The following ARGLU1 variants were observed in gnomAD, a reference collection of about 807,000 sequenced individuals.
ARGLU1 encodes arginine and glutamate rich 1, also known as arginine and glutamate-rich protein 1.
A neutral mutation model predicts 37.6 loss-of-function variants in ARGLU1; 9 were observed. The ratio of observed to expected loss-of-function variants is 0.24; its 90% confidence interval spans 0.14 to 0.42. The LOEUF (loss-of-function observed/expected upper bound fraction) is 0.42. ARGLU1 is among the 10% of genes least tolerant of loss of function. The pLI, the probability that ARGLU1 is intolerant of heterozygous loss-of-function variation, is 1.00. For missense variants in ARGLU1, 211 were observed against 359.2 expected (o/e 0.59, Z 3.34); for synonymous variants, 166 against 138.5 (o/e 1.20, Z -1.39).
chr13:106,549,537 T>C lies in ARGLU1; in HGVS notation c.658-5377A>G, dbSNP rs111721923. On this transcript the variant is annotated intron_variant, in intron 3 of 3. Transcript: ENST00000400198. Reference sequence around the variant, plus strand: ...TTTTTCTGAGGTATTCCATGTACAATGTTAAATAACAGAAGGGTAAAACGC... The same window carrying C: ...TTTTTCTGAGGTATTCCATGTACAACGTTAAATAACAGAAGGGTAAAACGC... 9.5e-4 allele frequency among the ~76,000 whole-genome samples: 145 copies of C among 152,332 alleles called. No individual in the cohort carries two copies. In the Middle Eastern group the frequency reaches 0.014, roughly 14 times the overall value.
In ARGLU1 at chr13:106,565,731, G is replaced by A. The variant is rs113305419; in HGVS notation, c.347+1842C>T. On this transcript the variant is annotated intron_variant, in intron 1 of 3. Coordinates refer to ENST00000400198, the MANE Select transcript of ARGLU1 (RefSeq NM_018011.4). ...ATATTAAATAAAATGCCTATTGTAC[G>A]GCACCCAGGAATTTAGAGTACAGGT... Among the ~76,000 whole-genome samples the A allele has an allele frequency of 2.2e-3, 338 of 152,124 alleles. 1 individual carries two copies. The highest frequency in any genetic ancestry group is 0.014 in the Middle Eastern group (4 of 294).
Position 106,544,106 on chromosome 13 carries a change from T to C in ARGLU1, c.712A>G (p.Met238Val). Reference protein sequence around the residue: ...EEQRKIHEERMKLEQERQRQQ... With the variant: ...EEQRKIHEERVKLEQERQRQQ... ...CGTTGTCGTTCTTGTTCTAGTTTCA[T>C]CCTTTCCTCATGAATCTTTCTTTGT... The change falls in exon 4 of 4, where the codon ATG becomes GTG. Residue 238 changes from methionine (M) to valine (V), a missense_variant. By Grantham distance (21) the Met-to-Val change is conservative (BLOSUM62 1). Around this residue, in one of 3 missense-constraint regions of ARGLU1, gnomAD observed 80 missense variants for 158.4 expected, o/e 0.51. Transcript: ENST00000400198. The C allele has an allele frequency of 8.1e-6, 13 of 1,605,086 alleles. No individual in the cohort carries two copies. The highest frequency in any genetic ancestry group is 1.0e-5 in the Non-Finnish European group (12 of 1,177,462).
intron 1 of ARGLU1, among the ~76,000 whole-genome samples, chr13:106,563,221 A>G (rs189046270): frequency 1.3e-5 from 2 of 152,318 alleles, no homozygotes; most frequent in East Asian, 3.9e-4. Context: ...TTAATAGGTA[A>G]CATATAATAT....
chr13:106,567,559 G>T lies in ARGLU1; in HGVS notation c.347+14C>A. ...TCTCCGCACGCCCCGGTCCCTCCCC[G>T]CGCGGGCACTCACATTTTTCGCTGC... On this transcript the variant is annotated intron_variant, in intron 1 of 3. Coordinates refer to ENST00000400198, the MANE Select transcript of ARGLU1 (RefSeq NM_018011.4). The surrounding 1 kb of genome is among the most constrained non-coding windows in gnomAD (Gnocchi z 4.3). 1 of 1,570,106 alleles carries T rather than the reference G, an allele frequency of 6.4e-7. No homozygotes were observed. Among genetic ancestry groups the T allele is most frequent in the Non-Finnish European group, 8.8e-7 (1 of 1,141,038 alleles).
At chr13:106,563,408 A>G (rs1216984195) in intron 1 of ARGLU1, among the ~76,000 whole-genome samples, 1 of 152,178 alleles carries the variant, frequency 6.6e-6, no homozygotes, top group East Asian at 1.9e-4. Flanking sequence ...GCCAAAGCTA[A>G]CGATCTCAAG....
At position 106,559,044 on chromosome 13, in the gene ARGLU1, G is replaced by A. The variant is rs1391832507; in HGVS notation, c.573+388C>T. 5.8e-6 allele frequency: 7 copies of A among 1,201,336 alleles called. No homozygotes were observed. The East Asian group carries it at 3.4e-4, about 58-fold the overall frequency. 74.4% of individuals were successfully genotyped at this position (1,201,336 alleles called of 1,614,324 possible). A position where few individuals can be genotyped will look rare whatever the true frequency, so the allele number is the denominator to read the frequency against. Reference sequence around the variant, plus strand: ...AAGGCAAAAGCCTCTCACAGTCTAGGTAACAGAGTGACAGAATAGAAGAAT... The same window carrying A: ...AAGGCAAAAGCCTCTCACAGTCTAGATAACAGAGTGACAGAATAGAAGAAT... On this transcript the variant is annotated intron_variant, in intron 2 of 3. Coordinates refer to ENST00000400198, the MANE Select transcript of ARGLU1 (RefSeq NM_018011.4).
Position 106,557,945 on chromosome 13 carries a change from G to A in ARGLU1, c.574-814C>T, listed in dbSNP as rs1297595327. 2.0e-6 allele frequency: 2 copies of A among 985,176 alleles called. No homozygotes were observed. Among genetic ancestry groups the A allele is most frequent in the Non-Finnish European group, 2.4e-6 (2 of 829,934 alleles). 61.0% of individuals were successfully genotyped at this position (985,176 alleles called of 1,614,324 possible). On this transcript the variant is annotated intron_variant, in intron 2 of 3. Transcript: ENST00000400198. The surrounding 1 kb of genome is among the most constrained non-coding windows in gnomAD (Gnocchi z 5.0). ...CTGAACTGAAACTCAGAAATCCAGG[G>A]GATGCATGGTCAGGAAATAAAATTC...
rs1566474534 is a variant in ARGLU1, at chr13:106,559,672, G to GA, written c.348-16dup. ...CTTGCTGTCGACTAGCAAACAAAGTGAAAAAAACAAGTTAGGTATTTACTT... is the reference window on the plus strand; with the variant it reads ...CTTGCTGTCGACTAGCAAACAAAGTGAAAAAAAACAAGTTAGGTATTTACTT... On this transcript the variant is annotated splice_polypyrimidine_tract_variant and intron_variant, in intron 1 of 3. Coordinates refer to ENST00000400198, the MANE Select transcript of ARGLU1 (RefSeq NM_018011.4). 2 of 1,590,902 alleles carry GA rather than the reference G, an allele frequency of 1.3e-6. No homozygotes were observed. The highest frequency in any genetic ancestry group is 1.8e-5 in the Admixed American group (1 of 54,724).
intron 1 of ARGLU1, among the ~76,000 whole-genome samples, chr13:106,564,378 A>C (rs1205423137): frequency 1.3e-5 from 2 of 152,204 alleles, no homozygotes; most frequent in African/African-American, 4.8e-5. Context: ...CACAGATTTA[A>C]AAACAAGGTT....
rs1388871005 is a variant in ARGLU1 at position 106,542,740 on chromosome 13, T to C, written c.*1256A>G. The stretch of plus-strand genomic sequence containing the variant: ...AATATCCTTTTCTTGAATGTTTTAA[T>C]ACCAGTATACTTAAACATATGTTAA... On this transcript the variant is annotated 3_prime_UTR_variant, in exon 4 of 4. Coordinates refer to ENST00000400198, the MANE Select transcript of ARGLU1 (RefSeq NM_018011.4). 6.6e-6 allele frequency: 1 copy of C among 151,554 alleles called. No homozygotes were observed. The allele number at this position is 151,554 out of a possible 1,614,324, so 9.4% of individuals were successfully genotyped here.
intron 1 of ARGLU1, chr13:106,561,991 A>C (rs879856555): frequency 1.3e-5 from 2 of 152,190 alleles, no homozygotes; most frequent in Non-Finnish European, 2.9e-5. Context: ...GCCCAAAGGG[A>C]GGGCAAGTGG....
At chr13:106,552,172 CAT>C (rs766801184) in intron 3 of ARGLU1, among the ~76,000 whole-genome samples, 2 of 152,148 alleles carry the variant, frequency 1.3e-5, no homozygotes, top group Non-Finnish European at 2.9e-5. Flanking sequence ...TCAAACATGG[CAT>C]ATCTTTTCTT....
chr13:106,551,237 T>G (rs1244549190), intron 3 of ARGLU1, among the ~76,000 whole-genome samples: 2 of 152,224 alleles, frequency 1.3e-5, no homozygotes, highest in Non-Finnish European at 2.9e-5. Flanking sequence ...CAGTTCATTC[T>G]TCAATTTAGC....
intron 3 of ARGLU1, among the ~76,000 whole-genome samples, chr13:106,548,812 G>C (rs1163738918): frequency 6.6e-6 from 1 of 152,046 alleles, no homozygotes; most frequent in African/African-American, 2.4e-5. Flanking sequence ...GCAATGACAC[G>C]ATCTTGGCTC....
intron 3 of ARGLU1, among the ~76,000 whole-genome samples, chr13:106,545,356 C>T (rs1281963360): frequency 1.3e-5 from 2 of 152,130 alleles, no homozygotes; most frequent in African/African-American, 2.4e-5. Flanking sequence ...CTACCTATTC[C>T]CATTCAAAGT....
chr13:106,546,405 C>CT lies in ARGLU1; in HGVS notation c.658-2246dup, dbSNP rs1176652263. Among the ~76,000 whole-genome samples, 10 of 152,328 alleles carry CT rather than the reference C, an allele frequency of 6.6e-5. No homozygotes were observed. The South Asian group carries it at 2.1e-3, about 32-fold the overall frequency. On this transcript the variant is annotated intron_variant, in intron 3 of 3. Transcript: ENST00000400198. ...TCCTCTTCTAAATTCTCCTTTCTAT[C>CT]TTGTTCCCCCGTCTTTTGCTCATGC...
intron 3 of ARGLU1, 56 bp downstream of exon 3, chr13:106,556,992 G>GA (rs1555327047): frequency 1.3e-6 from 2 of 1,489,890 alleles, no homozygotes; most frequent in Admixed American, 1.7e-5. Flanking sequence ...CACAAAATCC[G>GA]AAAAAAGGAA....
At chr13:106,560,509 T>C (rs1880768059) in intron 1 of ARGLU1, among the ~76,000 whole-genome samples, 1 of 152,228 alleles carries the variant, frequency 6.6e-6, no homozygotes, top group African/African-American at 2.4e-5. Flanking sequence ...TGGTCCAAAC[T>C]GAAATTTAGT....
chr13:106,544,267 C>A, intron 3 of ARGLU1, 107 bp from the exon 4 acceptor site: 1 of 960,420 alleles, frequency 1.0e-6, no homozygotes, highest in Non-Finnish European at 1.4e-6. Flanking sequence ...ATTTTTAATG[C>A]AAATGCAAAA....
Sources: gnomAD v4.1 joint callset for allele counts (sites outside exome capture counted in the v4.1 genomes callset) on GRCh38, gnomAD v4.1.1 for gene constraint, gnomAD v4.1.1 regional missense constraint, Gnocchi (gnomAD v3.1) non-coding constraint, MANE v1.5 for transcripts, NCBI Gene and HGNC (gene_info 2026-07-23, HGNC 2026-07-21) for gene names.